Variants in ZYG11B observed in about 807,000 individuals in gnomAD.
ZYG11B encodes the protein zyg-11 family member B, cell cycle regulator, also known as protein zyg-11 homolog B.
In ZYG11B, 36 loss-of-function variants were observed where a neutral mutation model predicts 82.4. The observed-to-expected ratio is 0.44, with a 90% CI of 0.33 to 0.58. The LOEUF (loss-of-function observed/expected upper bound fraction) is 0.58. ZYG11B is among the 20% of genes least tolerant of loss of function. The pLI, the probability that ZYG11B is intolerant of heterozygous loss-of-function variation, is 0.02. For synonymous variants in ZYG11B, 303 were observed against 312.8 expected, an observed-to-expected ratio of 0.97 and a Z score of 0.33; for missense variants, 552 against 895.6, an observed-to-expected ratio of 0.62 and a Z score of 4.90.
intron 10 of ZYG11B, among the ~76,000 whole-genome samples, chr1:52,812,877 C>T (rs1260380696): frequency 6.6e-6 from 1 of 151,574 alleles, no homozygotes; most frequent in African/African-American, 2.4e-5. Flanking sequence ...CAGGCATGCA[C>T]CACCACACCT....
At chr1:52,772,163 A>G (rs1328136206) in intron 3 of ZYG11B, 11 of 1,408,352 alleles carry the variant, frequency 7.8e-6, no homozygotes, top group African/African-American at 2.8e-5. Flanking sequence ...TAGTTAAACA[A>G]TCATTTTATT....
intron 1 of ZYG11B, among the ~76,000 whole-genome samples, chr1:52,740,549 C>T (rs1468985614): frequency 1.3e-5 from 2 of 151,216 alleles, no homozygotes; most frequent in Non-Finnish European, 2.9e-5. Flanking sequence ...GTGATCTATG[C>T]CCTTGGTACT....
intron 10 of ZYG11B, among the ~76,000 whole-genome samples, chr1:52,807,845 T>C (rs899689605): frequency 6.6e-6 from 1 of 152,138 alleles, no homozygotes; most frequent in African/African-American, 2.4e-5. Flanking sequence ...AGTGTGGATC[T>C]GCTGATGATG....
intron 2 of ZYG11B, among the ~76,000 whole-genome samples, chr1:52,767,019 A>AAT (rs2149935743): frequency 6.7e-6 from 1 of 150,326 alleles, no homozygotes; most frequent in Admixed American, 6.6e-5. Context: ...AAAAAAAAAA[A>AAT]TTATTTTATT....
intron 13 of ZYG11B, among the ~76,000 whole-genome samples, chr1:52,818,451 G>T (rs1462610608): frequency 6.6e-6 from 1 of 151,804 alleles, no homozygotes; most frequent in Non-Finnish European, 1.5e-5. Flanking sequence ...TCTGGCCTGG[G>T]TGACAGAGTG....
chr1:52,810,220 G>A (rs552214338), intron 10 of ZYG11B, among the ~76,000 whole-genome samples: 12 of 152,188 alleles, frequency 7.9e-5, no homozygotes, highest in Non-Finnish European at 1.3e-4. Context: ...TGAATGAAAG[G>A]TTTTTCCATA....
intron 10 of ZYG11B, among the ~76,000 whole-genome samples, chr1:52,807,409 A>T (rs1300335018): frequency 6.6e-6 from 1 of 151,454 alleles, no homozygotes; most frequent in African/African-American, 2.4e-5. Flanking sequence ...AGCATTTAAA[A>T]TTTACTCTTG....
chr1:52,809,686 CT>C (rs34031059), intron 10 of ZYG11B, among the ~76,000 whole-genome samples: 2 of 151,166 alleles, frequency 1.3e-5, no homozygotes, highest in Admixed American at 6.6e-5. Flanking sequence ...TGTTATTTTC[CT>C]TTTTTTTTAA....
At chr1:52,767,026 T>C (rs1223274942) in intron 2 of ZYG11B, among the ~76,000 whole-genome samples, 1 of 150,886 alleles carries the variant, frequency 6.6e-6, no homozygotes, top group Non-Finnish European at 1.5e-5. Flanking sequence ...AAAATTATTT[T>C]ATTTTATTTA....
intron 2 of ZYG11B, among the ~76,000 whole-genome samples, chr1:52,758,927 T>C (rs1644603127): frequency 6.6e-6 from 1 of 151,518 alleles, no homozygotes; most frequent in African/African-American, 2.4e-5. Flanking sequence ...TTATGCTCAG[T>C]ATATTATTAT....
intron 3 of ZYG11B, chr1:52,772,714 G>T: frequency 1.5e-6 from 1 of 683,328 alleles, no homozygotes; most frequent in Non-Finnish European, 2.7e-6. Context: ...GTCTTGCTCT[G>T]TCGCCCAGGC....
chr1:52,741,321 A>AAAAAATT (rs1481484800), intron 1 of ZYG11B, among the ~76,000 whole-genome samples: 1 of 125,480 alleles, frequency 8.0e-6, no homozygotes, highest in Non-Finnish European at 1.7e-5. Context: ...AAAAAAAAAG[A>AAAAAATT]AAAGAAAAGA....
intron 10 of ZYG11B, among the ~76,000 whole-genome samples, chr1:52,805,883 T>C (rs917672159): frequency 2.6e-5 from 4 of 151,988 alleles, no homozygotes; most frequent in Non-Finnish European, 2.9e-5. Context: ...AAAAAACCTA[T>C]ATATTTTTTT....
intron 2 of ZYG11B, among the ~76,000 whole-genome samples, chr1:52,770,446 G>A (rs1469049521): frequency 2.6e-5 from 4 of 152,140 alleles, no homozygotes; most frequent in African/African-American, 9.7e-5. Flanking sequence ...GGCTAGAAAT[G>A]TATTGGTAAC....
intron 13 of ZYG11B, among the ~76,000 whole-genome samples, chr1:52,818,519 G>A (rs981509310): frequency 3.9e-5 from 6 of 151,948 alleles, no homozygotes; most frequent in Non-Finnish European, 8.8e-5. Flanking sequence ...ATAGTCAAAT[G>A]TAGACTTGTA....
intron 1 of ZYG11B, among the ~76,000 whole-genome samples, chr1:52,727,841 A>G (rs912142469): frequency 1.3e-5 from 2 of 152,232 alleles, no homozygotes; most frequent in African/African-American, 4.8e-5. Flanking sequence ...ACATTGCTCC[A>G]TCATATGCAA....
intron 3 of ZYG11B, chr1:52,772,742 A>T: frequency 1.6e-6 from 1 of 626,656 alleles, no homozygotes. Flanking sequence ...CAGTGGCGCT[A>T]TCTTGGCTCA....
intron 3 of ZYG11B, among the ~76,000 whole-genome samples, chr1:52,773,782 A>G (rs1019830494): frequency 6.6e-6 from 1 of 150,380 alleles, no homozygotes; most frequent in African/African-American, 2.4e-5. Context: ...AGCTGGGACT[A>G]TAGGCACACA....
At chr1:52,809,575 A>C (rs1327538297) in intron 10 of ZYG11B, among the ~76,000 whole-genome samples, 2 of 152,156 alleles carry the variant, frequency 1.3e-5, no homozygotes, top group Non-Finnish European at 2.9e-5. Flanking sequence ...TCTATTTTTA[A>C]ATTTTGAGAA....
Sources: gnomAD v4.1 joint callset for allele counts (sites outside exome capture counted in the v4.1 genomes callset) on GRCh38, gnomAD v4.1.1 for gene constraint, MANE v1.5 for transcripts, NCBI Gene and HGNC (gene_info 2026-07-23, HGNC 2026-07-21) for gene names.